Variants in FMN2 observed in about 807,000 individuals in gnomAD.
FMN2 encodes formin-2.
A neutral mutation model predicts 142.3 loss-of-function variants in FMN2; 51 were observed. The ratio of observed to expected loss-of-function variants is 0.36; its 90% CI spans 0.29 to 0.45. FMN2 has a LOEUF of 0.45. Among genes scored for constraint, FMN2 ranks in the 20% least tolerant of loss-of-function variants. The pLI is 1.00. For missense variants in FMN2, 1,936 were observed against 2,122.8 expected (o/e 0.91, Z 1.73); for synonymous variants, 882 against 869.8 (o/e 1.01, Z -0.25).
rs1184956276 is a variant in FMN2 at position 240,091,957 on chromosome 1, G to T, written c.-153G>T. 2 of 1,289,270 alleles carry T rather than the reference G, an allele frequency of 1.6e-6. No homozygotes were observed. The highest frequency in any genetic ancestry group is 2.0e-6 in the Non-Finnish European group (2 of 996,318). 79.9% of individuals were successfully genotyped at this position (1,289,270 alleles called of 1,614,324 possible). On this transcript the variant is annotated 5_prime_UTR_variant, in exon 1 of 18. Coordinates refer to ENST00000319653, the MANE Select transcript of FMN2 (RefSeq NM_020066.5). ...CAAAGCGGCGGCAGATGCGAGCGGG[G>T]CCAGCCGGGCGCGCGTCGGCCTCCC...
intron 8 of FMN2, among the ~76,000 whole-genome samples, chr1:240,296,726 G>C (rs549521432): frequency 6.6e-6 from 1 of 151,520 alleles, no homozygotes; most frequent in African/African-American, 2.4e-5. Context: ...GATTGAGACC[G>C]ATGTAAGACA....
intron 11 of FMN2, among the ~76,000 whole-genome samples, chr1:240,332,201 A>G (rs1040151020): frequency 2.6e-5 from 4 of 152,206 alleles, no homozygotes; most frequent in Middle Eastern, 3.4e-3. Flanking sequence ...TCAAATGCTC[A>G]TGTGTATGAT....
intron 7 of FMN2, among the ~76,000 whole-genome samples, chr1:240,279,829 C>A (rs940852761): frequency 3.3e-5 from 5 of 152,042 alleles, no homozygotes; most frequent in Non-Finnish European, 7.4e-5. Flanking sequence ...GAACAAATAA[C>A]AAAATATGAC....
rs182147596 is a variant in FMN2, at chr1:240,466,551, G to A, written c.5061-5821G>A. Among the ~76,000 whole-genome samples, 100 of 152,216 alleles carry A rather than the reference G, an allele frequency of 6.6e-4. 1 individual carries two copies. The East Asian group carries it at 0.013, about 20-fold the overall frequency. ...GCTTCAACTGAGGAATAACCTTATA[G>A]TCATATTCCTCACCAAATGCTTCAC... On this transcript the variant is annotated intron_variant, in intron 16 of 17. Coordinates refer to ENST00000319653, the MANE Select transcript of FMN2 (RefSeq NM_020066.5).
At chr1:240,456,095 T>C (rs969298472) in intron 16 of FMN2, among the ~76,000 whole-genome samples, 7 of 152,126 alleles carry the variant, frequency 4.6e-5, no homozygotes, top group African/African-American at 1.2e-4. Context: ...TTCTACCTGA[T>C]TATGACTTCT....
intron 2 of FMN2, among the ~76,000 whole-genome samples, chr1:240,150,002 G>A (rs377729361): frequency 4.2e-4 from 64 of 152,234 alleles, no homozygotes; most frequent in African/African-American, 1.5e-3. Context: ...AAATGCTAAT[G>A]TTGATTAAGT....
intron 2 of FMN2, among the ~76,000 whole-genome samples, chr1:240,148,979 AAT>A (rs1553332905): frequency 2.0e-4 from 28 of 138,526 alleles, no homozygotes; most frequent in African/African-American, 6.5e-4. Flanking sequence ...CTCAAAAAAA[AAT>A]AAATAAATAA....
intron 2 of FMN2, among the ~76,000 whole-genome samples, chr1:240,151,121 G>A (rs1466465935): frequency 6.6e-6 from 1 of 152,146 alleles, no homozygotes; most frequent in African/African-American, 2.4e-5. Context: ...GAAATGACTT[G>A]TTCAAATTCT....
chr1:240,110,630 G>A (rs1451605598), intron 1 of FMN2, among the ~76,000 whole-genome samples: 1 of 152,164 alleles, frequency 6.6e-6, no homozygotes, highest in Non-Finnish European at 1.5e-5. Flanking sequence ...TGACTGCAAA[G>A]CTGATTCTAC....
chr1:240,092,944 C>A lies in FMN2; in HGVS notation c.835C>A (p.Leu279Met). The A allele has an allele frequency of 2.1e-6, 3 of 1,451,302 alleles. No individual in the cohort carries two copies. Among genetic ancestry groups the A allele is most frequent in the Non-Finnish European group, 2.7e-6 (3 of 1,110,058 alleles). The allele number at this position is 1,451,302 out of a possible 1,614,324, so 89.9% of individuals were successfully genotyped here. ...GCAGGCGCTGTCCGCGCTCTCCGACCTGCCCGAGAGCCTGGCCGCCGAGCC... is the reference window on the plus strand; with the variant it reads ...GCAGGCGCTGTCCGCGCTCTCCGACATGCCCGAGAGCCTGGCCGCCGAGCC... ...TEQALSALSDLPESLAAEPRE... is the reference protein window; with the variant it reads ...TEQALSALSDMPESLAAEPRE... Residue 279 changes from leucine to methionine, a missense_variant, in exon 1 of 18, where the codon CTG (leucine) becomes ATG (methionine). Coordinates refer to ENST00000319653, the MANE Select transcript of FMN2 (RefSeq NM_020066.5).
In FMN2 at chr1:240,274,215, G is replaced by T. The variant is rs141861950; in HGVS notation, c.4153+16183G>T. Among the ~76,000 whole-genome samples the T allele has an allele frequency of 7.6e-3, 1,116 of 147,704 alleles. 20 individuals carry two copies. The highest frequency in any genetic ancestry group is 0.028 in the African/African-American group (1,074 of 38,820). On this transcript the variant is annotated intron_variant, in intron 7 of 17. Transcript: ENST00000319653. ...AAACAATTTTAATATGTACCATGGG[G>T]GAAACGAAAAAAAAAAAAAAAGAGA...
chr1:240,366,415 G>GT (rs1253291157), intron 14 of FMN2, among the ~76,000 whole-genome samples: 5 of 151,870 alleles, frequency 3.3e-5, no homozygotes, highest in African/African-American at 1.2e-4. Context: ...CTGCAACTTA[G>GT]TTTTTTCTCC....
chr1:240,169,818 G>T (rs1297592574), intron 2 of FMN2, among the ~76,000 whole-genome samples: 1 of 152,150 alleles, frequency 6.6e-6, no homozygotes, highest in East Asian at 1.9e-4. Context: ...TCAGTGAGCT[G>T]CATACTTCGA....
chr1:240,351,393 A>G (rs1012803908), intron 13 of FMN2, among the ~76,000 whole-genome samples: 2 of 152,172 alleles, frequency 1.3e-5, no homozygotes, highest in Non-Finnish European at 2.9e-5. Context: ...GACCTTCTAG[A>G]AGGAGGACTG....
intron 6 of FMN2, among the ~76,000 whole-genome samples, chr1:240,215,150 A>C (rs1666846795): frequency 6.6e-6 from 1 of 152,178 alleles, no homozygotes; most frequent in Admixed American, 6.5e-5. Context: ...AGGGTTGCAT[A>C]GTTTTTGGTT....
Position 240,123,116 on chromosome 1 carries a change from C to A in FMN2, c.1616-63C>A, listed in dbSNP as rs564116591. ...GCAGTGTTTACCCAGCCGCTGTCCC[C>A]TGGCGAGTTCAGAGCCAGGTGATCG... On this transcript the variant is annotated intron_variant, in intron 1 of 17. Transcript: ENST00000319653. 1.2e-3 allele frequency: 1,912 copies of A among 1,587,622 alleles called. 2 individuals are homozygous for A. Among genetic ancestry groups the A allele is most frequent in the Non-Finnish European group, 1.5e-3 (1,779 of 1,163,326 alleles).
chr1:240,178,976 A>T (rs566122243), intron 3 of FMN2, among the ~76,000 whole-genome samples: 1 of 152,174 alleles, frequency 6.6e-6, no homozygotes, highest in Non-Finnish European at 1.5e-5. Flanking sequence ...TTGGATGCAT[A>T]GTAGAAGAGC....
At chr1:240,184,164 G>A (rs1175282945) in intron 3 of FMN2, among the ~76,000 whole-genome samples, 1 of 150,306 alleles carries the variant, frequency 6.7e-6, no homozygotes, top group Non-Finnish European at 1.5e-5. Flanking sequence ...AACATTTGGA[G>A]TCCATAGGGA....
Position 240,230,461 on chromosome 1 carries a change from T to G in FMN2, c.4065+19226T>G, listed in dbSNP as rs1180649878. Among the ~76,000 whole-genome samples, 2 of 132,198 alleles carry G rather than the reference T, an allele frequency of 1.5e-5. 1 individual carries two copies. The highest frequency in any genetic ancestry group is 4.7e-4 in the South Asian group (2 of 4,260). 86.7% of individuals were successfully genotyped at this position (132,198 alleles called of 152,430 possible). On this transcript the variant is annotated intron_variant, in intron 6 of 17. Coordinates refer to ENST00000319653, the MANE Select transcript of FMN2 (RefSeq NM_020066.5). ...TTTGATGCCACCTAAAGTATTTCTG[T>G]TTTTTCCTATTTTTTCTCAGAGAGC...
Sources: gnomAD v4.1 joint callset for allele counts (sites outside exome capture counted in the v4.1 genomes callset) on GRCh38, gnomAD v4.1.1 for gene constraint, MANE v1.5 for transcripts, NCBI Gene and HGNC (gene_info 2026-07-23, HGNC 2026-07-21) for gene names.